The following TOM1L1 variants were observed in gnomAD, a reference collection of about 807,000 sequenced individuals.
The protein encoded by TOM1L1 is TOM1-like protein 1.
Under a neutral mutation model 63.4 loss-of-function variants are expected in TOM1L1, and 64 were observed. The observed-to-expected ratio is 1.01, with a 90% CI of 0.83 to 1.24. The LOEUF (loss-of-function observed/expected upper bound fraction) is 1.24. Ranked by LOEUF, TOM1L1 falls within the 50% of genes most tolerant of loss-of-function variation. The pLI is 0.00. For synonymous variants in TOM1L1, 166 were observed against 194.4 expected (o/e 0.85, Z 1.22); for missense variants, 536 against 567.0 (o/e 0.95, Z 0.55).
At chr17:54,956,875 G>A (rs1249827992) in intron 14 of TOM1L1, 1 of 152,226 alleles carries the variant, frequency 6.6e-6, no homozygotes, top group Non-Finnish European at 1.5e-5. Flanking sequence ...GTCGTTGCAT[G>A]GAAAGGGGTT....
chr17:54,901,221 A>G (rs1214758427), intron 1 of TOM1L1: 1 of 442,380 alleles, frequency 2.3e-6, no homozygotes, highest in Non-Finnish European at 4.1e-6. Flanking sequence ...TTGGGCCTCC[A>G]CGAGGAGACA....
At chr17:54,955,696 A>T (rs1262734986) in intron 14 of TOM1L1, among the ~76,000 whole-genome samples, 4 of 152,028 alleles carry the variant, frequency 2.6e-5, no homozygotes, top group Non-Finnish European at 5.9e-5. Flanking sequence ...TCAGTCTCCC[A>T]GACCTGAAAG....
intron 4 of TOM1L1, 105 bp downstream of exon 4, chr17:54,912,920 C>A: frequency 1.9e-6 from 2 of 1,036,450 alleles, no homozygotes; most frequent in Non-Finnish European, 2.5e-6. Flanking sequence ...TAGGATTGAG[C>A]TAGAAAAGCA....
At chr17:54,956,507 C>T (rs2049510888) in intron 14 of TOM1L1, among the ~76,000 whole-genome samples, 1 of 152,100 alleles carries the variant, frequency 6.6e-6, no homozygotes, top group African/African-American at 2.4e-5. Flanking sequence ...AGGGTTTTGC[C>T]ACGTTGCCCA....
intron 14 of TOM1L1, chr17:54,951,878 T>A (rs961430603): frequency 6.6e-6 from 1 of 152,158 alleles, no homozygotes; most frequent in Admixed American, 6.5e-5. Flanking sequence ...GTAACAGATA[T>A]CTGACTCTCC....
At chr17:54,935,158 A>G (rs1322220403) in intron 8 of TOM1L1, among the ~76,000 whole-genome samples, 2 of 152,160 alleles carry the variant, frequency 1.3e-5, no homozygotes, top group Non-Finnish European at 2.9e-5. Context: ...AGGGGGGCTG[A>G]GTCCAAAAAA....
intron 14 of TOM1L1, chr17:54,955,263 CAGG>C (rs1220194537): frequency 6.6e-6 from 1 of 152,196 alleles, no homozygotes; most frequent in African/African-American, 2.4e-5. Context: ...GGCAGCCTCC[CAGG>C]AGATCTCATG....
chr17:54,938,838 C>CTTTTTTTTTTTTTTTT (rs1414010174), intron 10 of TOM1L1, 86 bp from the exon 11 acceptor site: 1 of 574,824 alleles, frequency 1.7e-6, no homozygotes, highest in South Asian at 4.0e-5. Context: ...TTTCTTTTTT[C>CTTTTTTTTTTTTTTTT]TTTTTTTTTG....
chr17:54,960,065 G>A (rs749339234), intron 14 of TOM1L1, among the ~76,000 whole-genome samples: 12 of 152,174 alleles, frequency 7.9e-5, no homozygotes, highest in Non-Finnish European at 1.2e-4. Context: ...AAGAGACATA[G>A]GAATTGCAAC....
At chr17:54,926,637 A>G (rs2143839014) in intron 7 of TOM1L1, among the ~76,000 whole-genome samples, 1 of 122,760 alleles carries the variant, frequency 8.1e-6, no homozygotes, top group Non-Finnish European at 1.7e-5. Context: ...GATTGTAACC[A>G]GTTGAAAAAA....
rs144207610 is a variant in TOM1L1 at position 54,902,201 on chromosome 17, G to A, written c.58+1278G>A. 3.5e-3 allele frequency among the ~76,000 whole-genome samples: 527 copies of A among 152,316 alleles called. 1 individual carries two copies. Among genetic ancestry groups the A allele is most frequent in the African/African-American group, 0.01 (432 of 41,574 alleles). Reference sequence around the variant, plus strand: ...AGGAGAAGGGAGAAATGAATTCTGCGTGGCTTTTGAAGGGTGAATAGGAGT... The same window carrying A: ...AGGAGAAGGGAGAAATGAATTCTGCATGGCTTTTGAAGGGTGAATAGGAGT... On this transcript the variant is annotated intron_variant, in intron 1 of 15. Coordinates refer to ENST00000575882, the MANE Select transcript of TOM1L1 (RefSeq NM_005486.3).
chr17:54,953,223 C>CA (rs143941205), intron 14 of TOM1L1: 31,778 of 152,118 alleles, frequency 0.21, 3,891 homozygotes, highest in Non-Finnish European at 0.27. Flanking sequence ...CACAAACAAA[C>CA]AAAAAAATCA....
intron 3 of TOM1L1, 71 bp from the exon 4 acceptor site, chr17:54,912,595 G>GT: frequency 7.5e-7 from 1 of 1,332,068 alleles, no homozygotes; most frequent in South Asian, 1.7e-5. Flanking sequence ...TTATTTAGCA[G>GT]TTTTTCCCTT....
intron 3 of TOM1L1, among the ~76,000 whole-genome samples, chr17:54,906,166 A>C (rs1288779982): frequency 1.3e-5 from 2 of 149,894 alleles, no homozygotes. Flanking sequence ...AGAAACCTCA[A>C]CTCTTAAAAA....
At chr17:54,915,678 G>A (rs2048575133) in intron 6 of TOM1L1, 68 bp from the exon 7 acceptor site, 2 of 1,092,798 alleles carry the variant, frequency 1.8e-6, no homozygotes, top group Non-Finnish European at 2.5e-6. Context: ...AATGTCCCAT[G>A]GGGGCAGGAA....
intron 7 of TOM1L1, among the ~76,000 whole-genome samples, chr17:54,920,334 G>T (rs933869817): frequency 4.6e-5 from 7 of 152,110 alleles, no homozygotes; most frequent in African/African-American, 1.4e-4. Flanking sequence ...TGTAAAACAG[G>T]CATTTTTCTC....
Position 54,953,689 on chromosome 17 carries a change from A to C in TOM1L1, c.1370+3563A>C, listed in dbSNP as rs1470839203. ...TGCCATCTTCTTCCTGGGCTTCCTG[A>C]AGTAGTCTGTAGGGCTGCCGCATCT... is the stretch of plus-strand genomic sequence containing the variant. On this transcript the variant is annotated intron_variant, in intron 14 of 15. Transcript: ENST00000575882. 3 of 152,250 alleles carry C rather than the reference A, an allele frequency of 2.0e-5. No individual in the cohort carries two copies. In the East Asian group the frequency reaches 5.8e-4, roughly 29 times the overall value. The allele number at this position is 152,250 out of a possible 1,614,324, so 9.4% of individuals were successfully genotyped here.
intron 3 of TOM1L1, among the ~76,000 whole-genome samples, chr17:54,907,445 T>G (rs1446818561): frequency 1.3e-5 from 2 of 152,220 alleles, no homozygotes; most frequent in African/African-American, 4.8e-5. Context: ...GATTCTAAAT[T>G]CCATGCCCTT....
At chr17:54,957,933 A>G (rs1238653979) in intron 14 of TOM1L1, 5 of 152,242 alleles carry the variant, frequency 3.3e-5, no homozygotes, top group Admixed American at 6.5e-5. Context: ...AATTTGTGTT[A>G]ATGTTATGAA....
Sources: gnomAD v4.1 joint callset for allele counts (sites outside exome capture counted in the v4.1 genomes callset) on GRCh38, gnomAD v4.1.1 for gene constraint, MANE v1.5 for transcripts, NCBI Gene and HGNC (gene_info 2026-07-23, HGNC 2026-07-21) for gene names.